Variants in RBSN observed in about 807,000 individuals in gnomAD.
RBSN encodes rabenosyn-5.
RBSN carries 34 observed loss-of-function variants against 60.5 expected under a neutral mutation model. The observed-to-expected ratio is 0.56, with a 90% CI of 0.43 to 0.75. The LOEUF is 0.75. Ranked by LOEUF, RBSN falls within the 30% of genes least tolerant of loss-of-function variation. The pLI, the probability that RBSN is intolerant of heterozygous loss-of-function variation, is 0.00. For synonymous variants in RBSN, 322 were observed against 366.9 expected, an observed-to-expected ratio of 0.88 and a Z score of 1.40; for missense variants, 845 against 986.8, an observed-to-expected ratio of 0.86 and a Z score of 1.92.
At position 15,074,845 on chromosome 3, in the gene RBSN, C is replaced by T. The variant is rs769332888; in HGVS notation, c.1292G>A (p.Arg431His). 2 of 1,614,158 alleles carry T rather than the reference C, an allele frequency of 1.2e-6. No homozygotes were observed. Among genetic ancestry groups the T allele is most frequent in the East Asian group, 2.2e-5 (1 of 44,886 alleles). ...CTTTCTCAAGGGGGCAGGGCCCCTG[C>T]GGAGAGATGCCACCTCCCCGTTGGC... ...RAANGEVASL[R>H]RGPAPLRKAE... The change falls in exon 14 of 14, where the codon CGC (arginine) becomes CAC (histidine). Residue 431 changes from arginine to histidine, a missense_variant. Physicochemically the swap from Arg to His is conservative, Grantham distance 29 (BLOSUM62 0). Coordinates refer to ENST00000253699, the MANE Select transcript of RBSN (RefSeq NM_022340.4). This position sits in a 1 kb window ranked among gnomAD's most constrained non-coding sequence, Gnocchi z 6.4.
chr3:15,078,259 G>A (rs549634748), intron 10 of RBSN, 98 bp from the exon 11 acceptor site: 2 of 961,218 alleles, frequency 2.1e-6, no homozygotes, highest in East Asian at 4.9e-5. Flanking sequence ...CACAAAGGCA[G>A]TTAATTCTCT....
At chr3:15,091,234 A>AAAAAT (rs1474100255) in intron 4 of RBSN, 2 of 467,112 alleles carry the variant, frequency 4.3e-6, no homozygotes, top group African/African-American at 4.3e-5. Context: ...AAAAAAAAAA[A>AAAAAT]AAATTAAAAC....
chr3:15,090,096 G>A (rs2125178814), intron 5 of RBSN, among the ~76,000 whole-genome samples: 1 of 152,288 alleles, frequency 6.6e-6, no homozygotes, highest in South Asian at 2.1e-4. Flanking sequence ...TGACGTCAGA[G>A]AGATATGGAT....
At chr3:15,085,367 T>G (rs1575098590) in intron 6 of RBSN, among the ~76,000 whole-genome samples, 1 of 152,234 alleles carries the variant, frequency 6.6e-6, no homozygotes, top group African/African-American at 2.4e-5. Flanking sequence ...ACGGTGCTCC[T>G]GGACCCTAAA....
chr3:15,075,814 A>G, intron 12 of RBSN, 104 bp from the exon 13 acceptor site: 13 of 871,960 alleles, frequency 1.5e-5, no homozygotes, highest in Non-Finnish European at 2.1e-5. Context: ...CTCTGTTCTC[A>G]GAGAGTGACA....
chr3:15,094,236 T>C lies in RBSN; in HGVS notation c.148+1737A>G, dbSNP rs556175557. ...TTCAGCTGACACCAAGACTGGAAGCTAGTTGAAAATGATGGAAGCTCTTCG... is the reference window on the plus strand; with the variant it reads ...TTCAGCTGACACCAAGACTGGAAGCCAGTTGAAAATGATGGAAGCTCTTCG... On this transcript the variant is annotated intron_variant, in intron 4 of 13. Coordinates refer to ENST00000253699, the MANE Select transcript of RBSN (RefSeq NM_022340.4). 2.8e-3 allele frequency among the ~76,000 whole-genome samples: 434 copies of C among 152,334 alleles called. 1 individual carries two copies. The highest frequency in any genetic ancestry group is 5.1e-3 in the Non-Finnish European group (350 of 68,014).
chr3:15,071,608 C>T lies in RBSN; in HGVS notation c.*2174G>A, dbSNP rs2042928690. 6.6e-6 allele frequency: 1 copy of T among 152,240 alleles called. No individual in the cohort carries two copies. The allele number at this position is 152,240 out of a possible 1,614,324, so 9.4% of individuals were successfully genotyped here. ...AAAGCGTCCTTCACACACTTCTACCCACTCCCCATCTCCACACCCCTATAC... is the reference window on the plus strand; with the variant it reads ...AAAGCGTCCTTCACACACTTCTACCTACTCCCCATCTCCACACCCCTATAC... On this transcript the variant is annotated 3_prime_UTR_variant, in exon 14 of 14. Coordinates refer to ENST00000253699, the MANE Select transcript of RBSN (RefSeq NM_022340.4).
At position 15,077,948 on chromosome 3, in the gene RBSN, G is replaced by T; in HGVS notation, c.998+127C>A. The stretch of plus-strand genomic sequence containing the variant: ...AAGTGCCAGAGCTGGCCCCTTCCTT[G>T]CCCTCCTCCTCACCCACTGCCCCAT... On this transcript the variant is annotated intron_variant, in intron 11 of 13. Transcript: ENST00000253699. The surrounding 1 kb of genome is among the most constrained non-coding windows in gnomAD (Gnocchi z 4.4). 1.3e-6 allele frequency: 1 copy of T among 775,922 alleles called. No homozygotes were observed. Among genetic ancestry groups the T allele is most frequent in the Non-Finnish European group, 2.2e-6 (1 of 456,274 alleles). The allele number at this position is 775,922 out of a possible 1,614,324, so 48.1% of individuals were successfully genotyped here.
In RBSN at chr3:15,073,632, C is replaced by T. The variant is rs1004410390; in HGVS notation, c.*150G>A. 2.1e-5 allele frequency: 15 copies of T among 716,804 alleles called. No individual in the cohort carries two copies. The highest frequency in any genetic ancestry group is 1.6e-4 in the East Asian group (6 of 36,630). 44.4% of individuals were successfully genotyped at this position (716,804 alleles called of 1,614,324 possible). A position where few individuals can be genotyped will look rare whatever the true frequency, so the allele number is the denominator to read the frequency against. On this transcript the variant is annotated 3_prime_UTR_variant, in exon 14 of 14. Transcript: ENST00000253699. Reference sequence around the variant, plus strand: ...ACTGTAGTGGAAATACCTCAAAGTGCGCAACACAAAACAGCAGATTCCTGC... The same window carrying T: ...ACTGTAGTGGAAATACCTCAAAGTGTGCAACACAAAACAGCAGATTCCTGC...
At position 15,072,357 on chromosome 3, in the gene RBSN, A is replaced by C. The variant is rs982224336; in HGVS notation, c.*1425T>G. The stretch of plus-strand genomic sequence containing the variant: ...CAGTGAGCTGAGATCATGCCACTAC[A>C]CTCCAGCCTGGGCAACAAAGTGAAA... On this transcript the variant is annotated 3_prime_UTR_variant, in exon 14 of 14. Transcript: ENST00000253699. 1.3e-5 allele frequency: 2 copies of C among 152,186 alleles called. No individual in the cohort carries two copies. Among genetic ancestry groups the C allele is most frequent in the Admixed American group, 6.6e-5 (1 of 15,262 alleles). 9.4% of individuals were successfully genotyped at this position (152,186 alleles called of 1,614,324 possible).
At position 15,077,810 on chromosome 3, in the gene RBSN, A is replaced by G. The variant is rs2043091488; in HGVS notation, c.998+265T>C. 6.6e-6 allele frequency among the ~76,000 whole-genome samples: 1 copy of G among 152,232 alleles called. No individual in the cohort carries two copies. Among genetic ancestry groups the G allele is most frequent in the African/African-American group, 2.4e-5 (1 of 41,452 alleles). ...TTCAGTAGAATAAATGAGCTATTCT[A>G]GAGAAAACAGCCAGTGACTGGCAGG... is the stretch of plus-strand genomic sequence containing the variant. On this transcript the variant is annotated intron_variant, in intron 11 of 13. Transcript: ENST00000253699. This position sits in a 1 kb window ranked among gnomAD's most constrained non-coding sequence, Gnocchi z 4.4.
In RBSN at chr3:15,096,204, C is replaced by T; in HGVS notation, c.-84G>A. 1 of 1,438,458 alleles carries T rather than the reference C, an allele frequency of 7.0e-7. No homozygotes were observed. Among genetic ancestry groups the T allele is most frequent in the Non-Finnish European group, 9.2e-7 (1 of 1,081,768 alleles). 89.1% of individuals were successfully genotyped at this position (1,438,458 alleles called of 1,614,324 possible). A position where few individuals can be genotyped will look rare whatever the true frequency, so the allele number is the denominator to read the frequency against. On this transcript the variant is annotated 5_prime_UTR_variant, in exon 4 of 14. Coordinates refer to ENST00000253699, the MANE Select transcript of RBSN (RefSeq NM_022340.4). Reference sequence around the variant, plus strand: ...TCCTCCCAAGGAACCATGGTTCCCGCAGCATTAGCTTAAGCAGCACACAGA... The same window carrying T: ...TCCTCCCAAGGAACCATGGTTCCCGTAGCATTAGCTTAAGCAGCACACAGA...
At chr3:15,075,499 G>A in intron 13 of RBSN, 107 bp downstream of exon 13, 3 of 863,732 alleles carry the variant, frequency 3.5e-6, no homozygotes, top group Non-Finnish European at 4.0e-6. Context: ...ACATTTGAGA[G>A]AGAGGTTCTG....
intron 5 of RBSN, among the ~76,000 whole-genome samples, chr3:15,089,576 T>C (rs994457273): frequency 1.1e-4 from 16 of 151,150 alleles, no homozygotes; most frequent in African/African-American, 3.9e-4. Flanking sequence ...ACATACACCA[T>C]TTAAAGCAAA....
In RBSN at chr3:15,098,477, A is replaced by AAAAAAAAC. The variant is rs2043731632; in HGVS notation, c.-500-204_-500-203insGTTTTTTT. 4.2e-5 allele frequency among the ~76,000 whole-genome samples: 2 copies of AAAAAAAAC among 47,196 alleles called. 1 individual carries two copies. The highest frequency in any genetic ancestry group is 2.3e-3 in the South Asian group (2 of 866). The allele number at this position is 47,196 out of a possible 152,430, so 31.0% of individuals were successfully genotyped here. A position where few individuals can be genotyped will look rare whatever the true frequency, so the allele number is the denominator to read the frequency against. On this transcript the variant is annotated intron_variant, in intron 1 of 13. Coordinates refer to ENST00000253699, the MANE Select transcript of RBSN (RefSeq NM_022340.4). ...AAGTAAAAAAAATAAAAATAAAAAAAATAAATATAGCTACATGTTCTGCAG... is the reference window on the plus strand; with the variant it reads ...AAGTAAAAAAAATAAAAATAAAAAAAAAAAAAACATAAATATAGCTACATGTTCTGCAG...
rs758975126 is a variant in RBSN, at chr3:15,090,490, T to C, written c.198A>G (p.Glu66=). The change falls in exon 5 of 14, where the codon GAA becomes GAG. Residue 66 remains glutamate (E), a synonymous_variant. Coordinates refer to ENST00000253699, the MANE Select transcript of RBSN (RefSeq NM_022340.4). ...TCCCTGACTCTGCTCGATCATCCCC[T>C]TCTCGTTTCAACAACCTGTCCTTTG... ...KKAKDRLLKR[E]GDDRAESGTQ... 20 of 1,614,252 alleles carry C rather than the reference T, an allele frequency of 1.2e-5. No homozygotes were observed. The highest frequency in any genetic ancestry group is 1.7e-5 in the Non-Finnish European group (20 of 1,180,050).
Position 15,080,944 on chromosome 3 carries a change from A to C in RBSN, c.841-142T>G, listed in dbSNP as rs2043190574. The C allele has an allele frequency of 5.9e-6, 4 of 681,590 alleles. No homozygotes were observed. In the Admixed American group the frequency reaches 1.2e-4, roughly 20 times the overall value. The allele number at this position is 681,590 out of a possible 1,614,324, so 42.2% of individuals were successfully genotyped here. On this transcript the variant is annotated intron_variant, in intron 9 of 13. Transcript: ENST00000253699. ...TGTTGTTATCAATTTCCTGATTTATAGGCATACTTTCCAAGCAGAAAATTT... is the reference window on the plus strand; with the variant it reads ...TGTTGTTATCAATTTCCTGATTTATCGGCATACTTTCCAAGCAGAAAATTT...
intron 4 of RBSN, among the ~76,000 whole-genome samples, chr3:15,093,915 G>A (rs1433038168): frequency 6.6e-6 from 1 of 151,534 alleles, no homozygotes. Flanking sequence ...ATGTTGCCCA[G>A]GCTGGTATCA....
rs952896156 is a variant in RBSN at position 15,098,277 on chromosome 3, G to A, written c.-500-3C>T. ...CTCCCCAGGGTTTAGCACAGTACCT[G>A]GCACACACAATGAAGCAGCACAATA... On this transcript the variant is annotated splice_region_variant and splice_polypyrimidine_tract_variant and intron_variant, in intron 1 of 13. Transcript: ENST00000253699. The A allele has an allele frequency of 6.6e-6, 1 of 151,854 alleles. No individual in the cohort carries two copies. The highest frequency in any genetic ancestry group is 1.5e-5 in the Non-Finnish European group (1 of 68,042). The allele number at this position is 151,854 out of a possible 1,614,324, so 9.4% of individuals were successfully genotyped here.
Sources: gnomAD v4.1 joint callset for allele counts (sites outside exome capture counted in the v4.1 genomes callset) on GRCh38, gnomAD v4.1.1 for gene constraint, Gnocchi (gnomAD v3.1) non-coding constraint, MANE v1.5 for transcripts, NCBI Gene and HGNC (gene_info 2026-07-23, HGNC 2026-07-21) for gene names.